The following WNT3A variants were observed in gnomAD, a reference collection of about 807,000 sequenced individuals.
WNT3A encodes Wnt family member 3A.
A neutral mutation model predicts 37.0 loss-of-function variants in WNT3A; 17 were observed. The ratio of observed to expected loss-of-function variants is 0.46; its 90% confidence interval spans 0.31 to 0.69. The LOEUF is 0.69. Among genes scored for constraint, WNT3A ranks in the 30% least tolerant of loss-of-function variants. The probability of loss-of-function intolerance (pLI) is 0.05; values close to 1 mark genes in which losing one functional copy is unlikely to be tolerated. For synonymous variants in WNT3A, 187 were observed against 211.0 expected (o/e 0.89, Z 0.99); for missense variants, 411 against 510.2 (o/e 0.81, Z 1.87).
At chr1:228,018,585 T>A (rs535651399) in intron 1 of WNT3A, among the ~76,000 whole-genome samples, 1 of 152,134 alleles carries the variant, frequency 6.6e-6, no homozygotes, top group East Asian at 1.9e-4. Flanking sequence ...AGAGATGGGG[T>A]CTTGCTCTGT....
intron 2 of WNT3A, among the ~76,000 whole-genome samples, chr1:228,026,693 A>G (rs2030861561): frequency 6.6e-6 from 1 of 152,156 alleles, no homozygotes; most frequent in South Asian, 2.1e-4. Context: ...GCTCCCACTT[A>G]TAAGTGAGAA....
At chr1:228,054,839 A>G (rs1258414362) in intron 3 of WNT3A, among the ~76,000 whole-genome samples, 1 of 151,312 alleles carries the variant, frequency 6.6e-6, no homozygotes, top group African/African-American at 2.4e-5. Flanking sequence ...TGAACATTGC[A>G]TCAGGAAACT....
intron 2 of WNT3A, among the ~76,000 whole-genome samples, chr1:228,032,118 GA>G (rs763102073): frequency 6.6e-6 from 1 of 152,188 alleles, no homozygotes; most frequent in Non-Finnish European, 1.5e-5. Flanking sequence ...AAGCAGGGAG[GA>G]CATCTCACTT....
intron 2 of WNT3A, among the ~76,000 whole-genome samples, chr1:228,046,442 G>A (rs1300192493): frequency 9.4e-6 from 1 of 106,320 alleles, no homozygotes; most frequent in Non-Finnish European, 1.9e-5. Flanking sequence ...ATGTATGTGT[G>A]TGCATGTGTC....
chr1:228,046,530 G>A (rs1331112250), intron 2 of WNT3A, among the ~76,000 whole-genome samples: 5 of 151,342 alleles, frequency 3.3e-5, no homozygotes, highest in Non-Finnish European at 5.9e-5. Flanking sequence ...ATGTGTATGT[G>A]TTGTGTGGTG....
chr1:228,030,303 C>T (rs532636572), intron 2 of WNT3A, among the ~76,000 whole-genome samples: 7 of 149,850 alleles, frequency 4.7e-5, no homozygotes, highest in South Asian at 2.1e-4. Context: ...GGCTGAGGCA[C>T]GAGAATCACT....
chr1:228,021,169 G>A (rs1293507666), intron 1 of WNT3A, among the ~76,000 whole-genome samples: 1 of 152,222 alleles, frequency 6.6e-6, no homozygotes, highest in Non-Finnish European at 1.5e-5. Context: ...GAGCTTCCCT[G>A]ATGACAGGCA....
chr1:228,052,282 T>C (rs992544662), intron 3 of WNT3A, among the ~76,000 whole-genome samples: 1 of 152,178 alleles, frequency 6.6e-6, no homozygotes, highest in Non-Finnish European at 1.5e-5. Context: ...TAGCTGGGAC[T>C]ATAGGCGCAT....
Position 228,059,202 on chromosome 1 carries a change from C to T in WNT3A, c.796C>T (p.Pro266Ser). 6.2e-7 allele frequency: 1 copy of T among 1,612,018 alleles called. No homozygotes were observed. Among genetic ancestry groups the T allele is most frequent in the Non-Finnish European group, 8.5e-7 (1 of 1,179,586 alleles). Residue 266 changes from proline (P) to serine (S), a missense_variant, in exon 4 of 4, where the codon CCC becomes TCC. Physicochemically the swap from Pro to Ser is moderately conservative, Grantham distance 74 (BLOSUM62 -1). Transcript: ENST00000284523. The part of the protein sequence containing the change: ...LRPRYTYFKV[P>S]TERDLVYYEA... ...GCCGCGCTACACCTACTTCAAGGTG[C>T]CCACGGAGCGCGACCTGGTCTACTA... is the stretch of plus-strand genomic sequence containing the variant.
chr1:228,053,253 G>A (rs1259900412), intron 3 of WNT3A, among the ~76,000 whole-genome samples: 1 of 152,108 alleles, frequency 6.6e-6, no homozygotes. Context: ...TTACGTTGTA[G>A]CAATACAGCA....
intron 1 of WNT3A, among the ~76,000 whole-genome samples, chr1:228,011,661 CTG>C (rs1428275041): frequency 1.3e-5 from 2 of 152,230 alleles, no homozygotes; most frequent in Non-Finnish European, 2.9e-5. Context: ...CTCTGTCTTT[CTG>C]TCTTTTGCAG....
chr1:228,030,550 G>A (rs761911271), intron 2 of WNT3A, among the ~76,000 whole-genome samples: 3 of 152,162 alleles, frequency 2.0e-5, no homozygotes, highest in African/African-American at 7.2e-5. Context: ...ATGTGTCCTC[G>A]CCGGGCACTG....
Position 228,031,408 on chromosome 1 carries a change from C to A in WNT3A, c.313+8500C>A, listed in dbSNP as rs1041884166. Reference sequence around the variant, plus strand: ...CTGCTGGCTGGGGTAATACACCACGCAGCTCCCCTGGAGATAGCTGCCAGG... The same window carrying A: ...CTGCTGGCTGGGGTAATACACCACGAAGCTCCCCTGGAGATAGCTGCCAGG... On this transcript the variant is annotated intron_variant, in intron 2 of 3. Transcript: ENST00000284523. The surrounding 1 kb of genome is among the most constrained non-coding windows in gnomAD (Gnocchi z 4.8). Among the ~76,000 whole-genome samples the A allele has an allele frequency of 2.0e-5, 3 of 152,188 alleles. No homozygotes were observed. Among genetic ancestry groups the A allele is most frequent in the African/African-American group, 7.2e-5 (3 of 41,446 alleles).
chr1:228,037,571 G>A lies in WNT3A; in HGVS notation c.314-13085G>A, dbSNP rs1234274127. On this transcript the variant is annotated intron_variant, in intron 2 of 3. Transcript: ENST00000284523. The surrounding 1 kb of genome is among the most constrained non-coding windows in gnomAD (Gnocchi z 4.1). ...GTGGGGCCTGCCTGCTAGGACATGG[G>A]GACACACAGGGCAGCTCTTTAGGGA... 6.6e-6 allele frequency among the ~76,000 whole-genome samples: 1 copy of A among 152,174 alleles called. No individual in the cohort carries two copies. Among genetic ancestry groups the A allele is most frequent in the Non-Finnish European group, 1.5e-5 (1 of 68,022 alleles).
intron 2 of WNT3A, among the ~76,000 whole-genome samples, chr1:228,044,628 A>G (rs1474708973): frequency 6.6e-6 from 1 of 152,244 alleles, no homozygotes; most frequent in Non-Finnish European, 1.5e-5. Context: ...CCCTGGAGCC[A>G]CAAGGTATTG....
In WNT3A at chr1:228,038,033, C is replaced by T. The variant is rs2031185469; in HGVS notation, c.314-12623C>T. ...TCGGCGTGACAGTGGCGCACAAAGC[C>T]GGATTCAAGCGCCCCAGCGGGTCAG... On this transcript the variant is annotated intron_variant, in intron 2 of 3. Transcript: ENST00000284523. The surrounding 1 kb of genome is among the most constrained non-coding windows in gnomAD (Gnocchi z 5.7). Among the ~76,000 whole-genome samples the T allele has an allele frequency of 6.6e-6, 1 of 152,084 alleles. No individual in the cohort carries two copies. Among genetic ancestry groups the T allele is most frequent in the African/African-American group, 2.4e-5 (1 of 41,430 alleles).
Position 228,042,549 on chromosome 1 carries a change from GGGATGATGGAT to G in WNT3A, c.314-8097_314-8087del, listed in dbSNP as rs1438711014. On this transcript the variant is annotated intron_variant, in intron 2 of 3. Coordinates refer to ENST00000284523, the MANE Select transcript of WNT3A (RefSeq NM_033131.4). This position sits in a 1 kb window ranked among gnomAD's most constrained non-coding sequence, Gnocchi z 5.2. ...GGTGATGAATGTACAGATGATGAAGGGGATGATGGATGGATGATGGTTGAATGGTGGATGGG... is the reference window on the plus strand; with the variant it reads ...GGTGATGAATGTACAGATGATGAAGGGGATGATGGTTGAATGGTGGATGGG... Among the ~76,000 whole-genome samples, 1 of 151,978 alleles carries G rather than the reference GGGATGATGGAT, an allele frequency of 6.6e-6. No homozygotes were observed. Among genetic ancestry groups the G allele is most frequent in the Non-Finnish European group, 1.5e-5 (1 of 68,004 alleles).
At position 228,034,261 on chromosome 1, in the gene WNT3A, C is replaced by G. The variant is rs144756335; in HGVS notation, c.313+11353C>G. On this transcript the variant is annotated intron_variant, in intron 2 of 3. Transcript: ENST00000284523. The stretch of plus-strand genomic sequence containing the variant: ...TGGGCAACAGAGTGAGACTCTGTCT[C>G]AAAAAAACACACACACATACGCACA... 6.0e-3 allele frequency among the ~76,000 whole-genome samples: 906 copies of G among 152,164 alleles called. 12 individuals are homozygous for G. The highest frequency in any genetic ancestry group is 0.021 in the African/African-American group (875 of 41,500).
chr1:228,058,840 T>C (rs1439765588), intron 3 of WNT3A, 146 bp from the exon 4 acceptor site: 10 of 783,164 alleles, frequency 1.3e-5, no homozygotes, highest in African/African-American at 1.2e-4. Flanking sequence ...AGGAAGGGGG[T>C]GGCCCTGGGG....
Sources: allele counts gnomAD v4.1 joint callset (sites outside exome capture counted in the v4.1 genomes callset), GRCh38; gene constraint gnomAD v4.1.1; non-coding constraint Gnocchi (gnomAD v3.1); transcripts MANE v1.5; gene names NCBI Gene and HGNC (gene_info 2026-07-23, HGNC 2026-07-21).